Variants in FER1L6 observed in about 807,000 individuals in gnomAD.
FER1L6 encodes fer-1 like family member 6.
In FER1L6, 177 loss-of-function variants were observed where a neutral mutation model predicts 219.2. The observed-to-expected ratio is 0.81, with a 90% CI of 0.71 to 0.91. FER1L6 has a LOEUF of 0.91. Ranked by LOEUF, FER1L6 falls within the 40% of genes least tolerant of loss-of-function variation. FER1L6 has a pLI of 0.00. For missense variants in FER1L6, 2,153 were observed against 2,259.9 expected, an observed-to-expected ratio of 0.95 and a Z score of 0.96; for synonymous variants, 768 against 824.3, an observed-to-expected ratio of 0.93 and a Z score of 1.17.
At chr8:123,901,934 A>T (rs560017697) in intron 1 of FER1L6, among the ~76,000 whole-genome samples, 3 of 152,064 alleles carry the variant, frequency 2.0e-5, no homozygotes, top group Admixed American at 2.0e-4. Flanking sequence ...GTTAGCCAGG[A>T]GGGTCTCAAT....
intron 39 of FER1L6, among the ~76,000 whole-genome samples, chr8:124,115,531 C>T (rs1321857460): frequency 6.6e-6 from 1 of 152,098 alleles, no homozygotes; most frequent in African/African-American, 2.4e-5. Flanking sequence ...CCTCCTTTTT[C>T]TTTGCATTGA....
chr8:124,094,939 A>G lies in FER1L6; in HGVS notation c.4596A>G (p.Leu1532=). The change falls in exon 35 of 41, where the codon TTA becomes TTG. Residue 1532 remains leucine (L), a synonymous_variant. Coordinates refer to ENST00000522917, the MANE Select transcript of FER1L6 (RefSeq NM_001039112.2). ...ESYEHLALKV[L]HSWEDIPEVG... is the part of the protein sequence containing the mutation. The stretch of plus-strand genomic sequence containing the variant: ...ATGAACACCTGGCCCTCAAGGTTTT[A>G]CACTCTTGGGAGGATATCCCGGAAG... 6.2e-7 allele frequency: 1 copy of G among 1,614,130 alleles called. No individual in the cohort carries two copies. Among genetic ancestry groups the G allele is most frequent in the Non-Finnish European group, 8.5e-7 (1 of 1,179,970 alleles).
chr8:124,083,497 T>C (rs184589607), intron 33 of FER1L6, among the ~76,000 whole-genome samples: 8 of 152,334 alleles, frequency 5.3e-5, no homozygotes, highest in Non-Finnish European at 1.2e-4. Flanking sequence ...TTCTCTGATA[T>C]ATCTTTTTGG....
rs1820742831 is a variant in FER1L6 at position 124,064,563 on chromosome 8, G to A, written c.3545G>A (p.Gly1182Glu). 2.5e-6 allele frequency: 4 copies of A among 1,610,466 alleles called. No individual in the cohort carries two copies. Among genetic ancestry groups the A allele is most frequent in the Non-Finnish European group, 3.4e-6 (4 of 1,179,160 alleles). Residue 1182 changes from glycine (G) to glutamate (E), a missense_variant, in exon 26 of 41, where the codon GGA (glycine) becomes GAA (glutamate). Physicochemically the swap from Gly to Glu is moderately conservative, Grantham distance 98 (BLOSUM62 -2). Transcript: ENST00000522917. ...GTAGCCCAGGAGCCACCAAAAGATG[G>A]AAAACCTAAGGTCAGACTAAAATCC... The part of the protein sequence containing the change: ...TPVAQEPPKD[G>E]KPKDPRKPSR...
intron 13 of FER1L6, among the ~76,000 whole-genome samples, chr8:124,003,612 G>C (rs1817522095): frequency 6.6e-6 from 1 of 151,690 alleles, no homozygotes. Flanking sequence ...GGGACTACAG[G>C]CACACACCAC....
intron 31 of FER1L6, 121 bp from the exon 32 acceptor site, chr8:124,076,077 A>T: frequency 7.7e-7 from 1 of 1,290,464 alleles, no homozygotes; most frequent in Non-Finnish European, 1.1e-6. Context: ...CTGGCCCGTT[A>T]AATCAGACTA....
At position 123,946,227 on chromosome 8, in the gene FER1L6, G is replaced by C. The variant is rs1052042804; in HGVS notation, c.-7-9765G>C. ...GGACTGGACCTCAATTTTGCTATCT[G>C]TTTAATGAACAGGTTAGTTTTTTGT... On this transcript the variant is annotated intron_variant, in intron 1 of 40. Coordinates refer to ENST00000522917, the MANE Select transcript of FER1L6 (RefSeq NM_001039112.2). Among the ~76,000 whole-genome samples, 13 of 152,132 alleles carry C rather than the reference G, an allele frequency of 8.5e-5. No individual in the cohort carries two copies. The East Asian group carries it at 1.2e-3, about 14-fold the overall frequency.
At position 124,091,450 on chromosome 8, in the gene FER1L6, G is replaced by T; in HGVS notation, c.4419G>T (p.Thr1473=). 6.2e-7 allele frequency: 1 copy of T among 1,613,482 alleles called. No individual in the cohort carries two copies. Among genetic ancestry groups the T allele is most frequent in the Non-Finnish European group, 8.5e-7 (1 of 1,179,762 alleles). The stretch of plus-strand genomic sequence containing the variant: ...AAGGATACAATGCCTGGAGAGACAC[G>T]TCCAAACCCACCGAAATCCTCACTA... ...EIEGYNAWRD[T]SKPTEILTKL... Residue 1473 remains threonine, a synonymous_variant, in exon 34 of 41, where the codon ACG becomes ACT. Transcript: ENST00000522917.
intron 1 of FER1L6, among the ~76,000 whole-genome samples, chr8:123,929,867 T>C (rs1286047109): frequency 4.6e-5 from 7 of 152,100 alleles, no homozygotes; most frequent in African/African-American, 1.4e-4. Flanking sequence ...CCCCCCTTAG[T>C]GATACCACAG....
At chr8:124,018,702 G>C (rs980151171) in intron 16 of FER1L6, among the ~76,000 whole-genome samples, 1 of 151,960 alleles carries the variant, frequency 6.6e-6, no homozygotes, top group African/African-American at 2.4e-5. Flanking sequence ...CTCATCTCTA[G>C]ACCTGCATTT....
intron 1 of FER1L6, among the ~76,000 whole-genome samples, chr8:123,867,900 G>C (rs1816861492): frequency 6.6e-6 from 1 of 152,164 alleles, no homozygotes; most frequent in South Asian, 2.1e-4. Context: ...CAGAACATCA[G>C]CATCACCTAT....
intron 5 of FER1L6, among the ~76,000 whole-genome samples, chr8:123,966,804 G>C (rs1815561678): frequency 6.6e-6 from 1 of 152,102 alleles, no homozygotes; most frequent in Admixed American, 6.5e-5. Context: ...AATATTGTTG[G>C]GGTGCAGTAG....
chr8:124,052,811 A>G (rs1586642902), intron 22 of FER1L6, among the ~76,000 whole-genome samples: 2 of 152,054 alleles, frequency 1.3e-5, no homozygotes, highest in East Asian at 3.9e-4. Context: ...AAACAAACAA[A>G]CAAAAAAAAC....
At chr8:123,858,264 G>A (rs1816683557) in intron 1 of FER1L6, among the ~76,000 whole-genome samples, 1 of 152,176 alleles carries the variant, frequency 6.6e-6, no homozygotes, top group African/African-American at 2.4e-5. Context: ...GCGTCTGTCA[G>A]GTTCTTGGTG....
intron 1 of FER1L6, among the ~76,000 whole-genome samples, chr8:123,919,359 C>T (rs2129819977): frequency 6.6e-6 from 1 of 152,356 alleles, no homozygotes; most frequent in South Asian, 2.1e-4. Context: ...TTTGCATTTA[C>T]TCTTTATGTA....
chr8:123,941,188 TAAATA>T (rs954905372), intron 1 of FER1L6, among the ~76,000 whole-genome samples: 26 of 152,184 alleles, frequency 1.7e-4, no homozygotes, highest in African/African-American at 6.0e-4. Flanking sequence ...AAAAATCACA[TAAATA>T]AAATTACAAA....
chr8:124,055,874 T>C (rs1476472778), intron 22 of FER1L6, among the ~76,000 whole-genome samples: 1 of 152,196 alleles, frequency 6.6e-6, no homozygotes, highest in Non-Finnish European at 1.5e-5. Flanking sequence ...TTGTCTATTC[T>C]GGTTTCTAGG....
intron 31 of FER1L6, among the ~76,000 whole-genome samples, chr8:124,074,883 A>G (rs1411284256): frequency 6.6e-6 from 1 of 152,184 alleles, no homozygotes; most frequent in Non-Finnish European, 1.5e-5. Flanking sequence ...TTTTAACACA[A>G]TGGTATTTGT....
chr8:124,050,063 A>G (rs969195000), intron 22 of FER1L6, among the ~76,000 whole-genome samples: 5 of 152,244 alleles, frequency 3.3e-5, no homozygotes, highest in African/African-American at 1.2e-4. Context: ...ATGAAAGGAT[A>G]CAAAACAGAG....
Sources: allele counts gnomAD v4.1 joint callset (sites outside exome capture counted in the v4.1 genomes callset), GRCh38; gene constraint gnomAD v4.1.1; transcripts MANE v1.5; gene names NCBI Gene and HGNC (gene_info 2026-07-23, HGNC 2026-07-21).